The following GTF2F2 variants were observed in gnomAD, a reference collection of about 807,000 sequenced individuals.
GTF2F2 encodes ATP-dependent helicase GTF2F2.
In GTF2F2, 23 loss-of-function variants were observed where a neutral mutation model predicts 42.2. The ratio of observed to expected loss-of-function variants is 0.55; its 90% CI spans 0.39 to 0.77. GTF2F2 has a LOEUF of 0.77. GTF2F2 is among the 30% of genes least tolerant of loss of function. GTF2F2 has a pLI of 0.00. For missense variants in GTF2F2, 261 were observed against 287.2 expected (o/e 0.91, Z 0.66); for synonymous variants, 105 against 100.8 (o/e 1.04, Z -0.25).
intron 1 of GTF2F2, among the ~76,000 whole-genome samples, chr13:45,125,775 A>G (rs1868963857): frequency 6.6e-6 from 1 of 152,222 alleles, no homozygotes; most frequent in Non-Finnish European, 1.5e-5. Context: ...TTCCCTGAGC[A>G]GCTGATTTTG....
At chr13:45,184,666 C>G (rs1372581534) in intron 4 of GTF2F2, among the ~76,000 whole-genome samples, 1 of 152,068 alleles carries the variant, frequency 6.6e-6, no homozygotes, top group Non-Finnish European at 1.5e-5. Flanking sequence ...AATTAAGATT[C>G]TACCTCAACT....
In GTF2F2 at chr13:45,138,857, G is replaced by A. The variant is rs1393141466; in HGVS notation, c.140+2051G>A. Among the ~76,000 whole-genome samples the A allele has an allele frequency of 3.3e-5, 5 of 152,306 alleles. No homozygotes were observed. The East Asian group carries it at 9.6e-4, about 29-fold the overall frequency. On this transcript the variant is annotated intron_variant, in intron 2 of 7. Coordinates refer to ENST00000340473, the MANE Select transcript of GTF2F2 (RefSeq NM_004128.3). ...GACGGGGTTTCGCCATGTTGGCCAAGCTGGTCTTGAACTCCTGACCTCAAG... is the reference window on the plus strand; with the variant it reads ...GACGGGGTTTCGCCATGTTGGCCAAACTGGTCTTGAACTCCTGACCTCAAG...
chr13:45,155,677 T>A (rs540028660), intron 4 of GTF2F2, among the ~76,000 whole-genome samples: 1 of 152,346 alleles, frequency 6.6e-6, no homozygotes, highest in African/African-American at 2.4e-5. Context: ...TGTTCCTGTC[T>A]GAGAGAATAT....
At chr13:45,120,790 C>A in intron 1 of GTF2F2, 69 bp downstream of exon 1, 1 of 1,158,216 alleles carries the variant, frequency 8.6e-7, no homozygotes, top group Non-Finnish European at 1.3e-6. Context: ...TTGAGCCTAT[C>A]CCGCTCCGTG....
intron 4 of GTF2F2, among the ~76,000 whole-genome samples, chr13:45,153,626 A>T (rs903837917): frequency 2.0e-5 from 3 of 152,162 alleles, no homozygotes; most frequent in African/African-American, 7.2e-5. Context: ...GTATAGGCCT[A>T]TCTAAAATTC....
At chr13:45,259,682 G>C (rs1474146302) in intron 6 of GTF2F2, among the ~76,000 whole-genome samples, 1 of 107,222 alleles carries the variant, frequency 9.3e-6, no homozygotes, top group Admixed American at 1.4e-4. Flanking sequence ...TTGTGAGACA[G>C]AGTCTCGCCC....
At chr13:45,151,279 G>A (rs1008205694) in intron 3 of GTF2F2, among the ~76,000 whole-genome samples, 6 of 152,284 alleles carry the variant, frequency 3.9e-5, no homozygotes, top group Non-Finnish European at 7.4e-5. Context: ...GCTTCCAGCT[G>A]CATCATTGCT....
chr13:45,215,951 G>A (rs1375786370), intron 5 of GTF2F2, among the ~76,000 whole-genome samples: 1 of 152,004 alleles, frequency 6.6e-6, no homozygotes, highest in Non-Finnish European at 1.5e-5. Context: ...AAGCTCTTGG[G>A]AATGTGTATA....
At chr13:45,215,486 G>A (rs777710160) in intron 5 of GTF2F2, among the ~76,000 whole-genome samples, 11 of 152,182 alleles carry the variant, frequency 7.2e-5, no homozygotes, top group African/African-American at 1.2e-4. Context: ...TGAGCCGGGC[G>A]TGATGGCTCA....
At chr13:45,212,463 C>CTTTTCTTTCTT (rs376424917) in intron 5 of GTF2F2, among the ~76,000 whole-genome samples, 5 of 27,486 alleles carry the variant, frequency 1.8e-4, no homozygotes, top group Admixed American at 4.8e-4. Flanking sequence ...TTCTTTCTTT[C>CTTTTCTTTCTT]TTTCTTTCTT....
At chr13:45,152,337 C>T (rs907140624) in intron 4 of GTF2F2, among the ~76,000 whole-genome samples, 7 of 152,082 alleles carry the variant, frequency 4.6e-5, no homozygotes, top group Non-Finnish European at 8.8e-5. Flanking sequence ...GAAATTTTGG[C>T]CATTACTTGA....
At chr13:45,189,105 A>G (rs1872534011) in intron 4 of GTF2F2, among the ~76,000 whole-genome samples, 1 of 151,852 alleles carries the variant, frequency 6.6e-6, no homozygotes. Flanking sequence ...CCCTGTGTCC[A>G]AGTGTTCTCA....
intron 5 of GTF2F2, among the ~76,000 whole-genome samples, chr13:45,233,236 C>T (rs935451790): frequency 6.6e-6 from 1 of 151,838 alleles, no homozygotes; most frequent in African/African-American, 2.4e-5. Flanking sequence ...TGGGCAGCAT[C>T]GTGAGACCCC....
At chr13:45,150,189 A>T (rs759323489) in intron 3 of GTF2F2, among the ~76,000 whole-genome samples, 6 of 152,210 alleles carry the variant, frequency 3.9e-5, no homozygotes, top group Non-Finnish European at 5.9e-5. Context: ...AATACTTCAT[A>T]ATCTTCCTAC....
chr13:45,151,989 C>T (rs573129468), intron 4 of GTF2F2, among the ~76,000 whole-genome samples, 158 bp downstream of exon 4: 1 of 144,188 alleles, frequency 6.9e-6, no homozygotes, highest in Non-Finnish European at 1.5e-5. Flanking sequence ...GATCTTGGCT[C>T]ACTGCAACCT....
At chr13:45,121,754 A>T (rs1215263279) in intron 1 of GTF2F2, among the ~76,000 whole-genome samples, 1 of 152,220 alleles carries the variant, frequency 6.6e-6, no homozygotes, top group Non-Finnish European at 1.5e-5. Context: ...CAACAAATAG[A>T]TGATGAATAA....
At chr13:45,184,921 C>T (rs1016293866) in intron 4 of GTF2F2, among the ~76,000 whole-genome samples, 4 of 152,140 alleles carry the variant, frequency 2.6e-5, no homozygotes, top group African/African-American at 4.8e-5. Context: ...AAGCGATCTT[C>T]CCACCTCCGC....
chr13:45,213,273 G>T (rs906247630), intron 5 of GTF2F2, among the ~76,000 whole-genome samples: 1 of 152,002 alleles, frequency 6.6e-6, no homozygotes, highest in Non-Finnish European at 1.5e-5. Flanking sequence ...TAGAGGTGGG[G>T]TTTCACTGTG....
chr13:45,126,320 T>C (rs750401269), intron 1 of GTF2F2, among the ~76,000 whole-genome samples: 17 of 151,040 alleles, frequency 1.1e-4, no homozygotes, highest in Non-Finnish European at 2.5e-4. Context: ...GGTGTGATCT[T>C]GGCTCACTGC....
Sources: allele counts gnomAD v4.1 joint callset (sites outside exome capture counted in the v4.1 genomes callset), GRCh38; gene constraint gnomAD v4.1.1; transcripts MANE v1.5; gene names NCBI Gene and HGNC (gene_info 2026-07-23, HGNC 2026-07-21).